Variants in FSTL5 observed in about 807,000 individuals in gnomAD.
FSTL5 encodes the protein follistatin like 5, also known as follistatin-related protein 5.
Under a neutral mutation model 89.1 loss-of-function variants are expected in FSTL5, and 62 were observed. The observed-to-expected ratio is 0.70, with a 90% CI of 0.57 to 0.86. The LOEUF is 0.86. Ranked by LOEUF, FSTL5 falls within the 40% of genes least tolerant of loss-of-function variation. The pLI, the probability that FSTL5 is intolerant of heterozygous loss-of-function variation, is 0.00. For synonymous variants in FSTL5, 383 were observed against 346.2 expected (o/e 1.11, Z -1.18); for missense variants, 1,057 against 1,001.6 (o/e 1.06, Z -0.75).
chr4:162,146,752 T>TTC (rs373161292), intron 1 of FSTL5, among the ~76,000 whole-genome samples: 151 of 117,886 alleles, frequency 1.3e-3, no homozygotes, highest in East Asian at 2.1e-3. Flanking sequence ...TCTTTCTCCT[T>TTC]TCTCTCTCTC....
At chr4:162,062,233 A>G (rs1738740745) in intron 2 of FSTL5, among the ~76,000 whole-genome samples, 1 of 151,978 alleles carries the variant, frequency 6.6e-6, no homozygotes, top group Non-Finnish European at 1.5e-5. Context: ...GTACCTTATT[A>G]TGAGTTTACT....
At chr4:161,849,560 CAT>C (rs1318875896) in intron 4 of FSTL5, among the ~76,000 whole-genome samples, 199 of 141,132 alleles carry the variant, frequency 1.4e-3, no homozygotes, top group African/African-American at 5.0e-3. Flanking sequence ...CACACACACA[CAT>C]AGAATTCTCA....
At chr4:161,414,118 T>C (rs1731692500) in intron 15 of FSTL5, among the ~76,000 whole-genome samples, 1 of 152,198 alleles carries the variant, frequency 6.6e-6, no homozygotes, top group Non-Finnish European at 1.5e-5. Flanking sequence ...TAGGTGAATT[T>C]CACTTCAATA....
At chr4:162,044,617 G>T (rs555385274) in intron 2 of FSTL5, among the ~76,000 whole-genome samples, 9 of 152,106 alleles carry the variant, frequency 5.9e-5, no homozygotes, top group Non-Finnish European at 4.4e-5. Context: ...CTTCTTTCTC[G>T]CTAAGAAAGT....
At chr4:161,900,564 G>A (rs988808579) in intron 4 of FSTL5, among the ~76,000 whole-genome samples, 20 of 146,432 alleles carry the variant, frequency 1.4e-4, no homozygotes, top group East Asian at 4.1e-4. Flanking sequence ...GCTTGAACCC[G>A]GGAGGCGGAG....
intron 7 of FSTL5, among the ~76,000 whole-genome samples, chr4:161,604,612 G>A (rs1734371834): frequency 6.6e-6 from 1 of 152,134 alleles, no homozygotes; most frequent in Non-Finnish European, 1.5e-5. Flanking sequence ...TCACCGGGTA[G>A]TAGAGAAAGT....
intron 5 of FSTL5, among the ~76,000 whole-genome samples, chr4:161,764,631 T>C (rs955482111): frequency 3.4e-5 from 5 of 145,202 alleles, no homozygotes; most frequent in African/African-American, 7.5e-5. Flanking sequence ...GTGCCTAATA[T>C]AACATTTAAA....
intron 4 of FSTL5, among the ~76,000 whole-genome samples, chr4:161,873,151 G>T (rs1308645483): frequency 1.3e-5 from 2 of 152,152 alleles, no homozygotes; most frequent in Admixed American, 6.6e-5. Flanking sequence ...AAGAAGCAAG[G>T]AGTGTAGCCT....
At chr4:161,621,188 T>C (rs1363940590) in intron 7 of FSTL5, among the ~76,000 whole-genome samples, 1 of 151,624 alleles carries the variant, frequency 6.6e-6, no homozygotes, top group African/African-American at 2.4e-5. Flanking sequence ...TTCTGATCAC[T>C]GAAGAATTCA....
At chr4:161,684,291 C>T (rs533454158) in intron 6 of FSTL5, among the ~76,000 whole-genome samples, 1 of 152,222 alleles carries the variant, frequency 6.6e-6, no homozygotes, top group African/African-American at 2.4e-5. Flanking sequence ...GGTAGATACC[C>T]AGTAGTGGGA....
intron 3 of FSTL5, among the ~76,000 whole-genome samples, chr4:161,925,606 A>G (rs908586221): frequency 3.9e-5 from 6 of 151,996 alleles, no homozygotes; most frequent in Non-Finnish European, 5.9e-5. Flanking sequence ...AGTAATAATG[A>G]TATCATGTGG....
At chr4:161,579,749 GAAAAAGAA>G (rs1166057504) in intron 8 of FSTL5, among the ~76,000 whole-genome samples, 1 of 35,424 alleles carries the variant, frequency 2.8e-5, no homozygotes, top group South Asian at 6.1e-4. Flanking sequence ...AAAAAAGAAA[GAAAAAGAA>G]AAAAAGAAAA....
At chr4:161,933,758 C>T (rs1233980890) in intron 3 of FSTL5, among the ~76,000 whole-genome samples, 1 of 151,872 alleles carries the variant, frequency 6.6e-6, no homozygotes, top group East Asian at 1.9e-4. Flanking sequence ...AGTGATAATT[C>T]CCTAAATCAA....
At chr4:161,736,645 TG>T (rs1214455404) in intron 6 of FSTL5, among the ~76,000 whole-genome samples, 1 of 152,120 alleles carries the variant, frequency 6.6e-6, no homozygotes, top group African/African-American at 2.4e-5. Flanking sequence ...GCTTGGGAAC[TG>T]TCATTATGAG....
chr4:161,981,511 C>T (rs1735825844), intron 3 of FSTL5, among the ~76,000 whole-genome samples: 1 of 152,120 alleles, frequency 6.6e-6, no homozygotes, highest in Non-Finnish European at 1.5e-5. Flanking sequence ...GTGTAAAACA[C>T]CACTTGTACT....
intron 4 of FSTL5, among the ~76,000 whole-genome samples, chr4:161,800,322 AT>A (rs1729754185): frequency 6.6e-6 from 1 of 151,666 alleles, no homozygotes. Context: ...CTAGAGAAAA[AT>A]TTTGATATGA....
intron 3 of FSTL5, 38 bp downstream of exon 3, chr4:162,033,587 A>T (rs1419101546): frequency 9.0e-7 from 1 of 1,110,866 alleles, no homozygotes; most frequent in East Asian, 2.5e-5. Flanking sequence ...TCTGTTATGA[A>T]CTTATATAAT....
In FSTL5 at chr4:161,825,208, T is replaced by C. The variant is rs541404309; in HGVS notation, c.410-49134A>G. 2.0e-5 allele frequency among the ~76,000 whole-genome samples: 3 copies of C among 152,320 alleles called. No individual in the cohort carries two copies. The South Asian group carries it at 6.2e-4, about 32-fold the overall frequency. Reference sequence around the variant, plus strand: ...GCGTATCACATTTATTGATTGTGTATGTGAAACCATCCCTGCATTCCTGGT... The same window carrying C: ...GCGTATCACATTTATTGATTGTGTACGTGAAACCATCCCTGCATTCCTGGT... On this transcript the variant is annotated intron_variant, in intron 4 of 15. Transcript: ENST00000306100.
At chr4:161,960,622 C>G (rs1029222721) in intron 3 of FSTL5, among the ~76,000 whole-genome samples, 2 of 151,908 alleles carry the variant, frequency 1.3e-5, no homozygotes, top group African/African-American at 4.8e-5. Flanking sequence ...CTAAAAACAA[C>G]TTATGTTAAA....
Sources: gnomAD v4.1 joint callset for allele counts (sites outside exome capture counted in the v4.1 genomes callset) on GRCh38, gnomAD v4.1.1 for gene constraint, MANE v1.5 for transcripts, NCBI Gene and HGNC (gene_info 2026-07-23, HGNC 2026-07-21) for gene names.